Variants in PRLR observed in about 807,000 individuals in gnomAD.
PRLR encodes prolactin receptor, also known as hPRL receptor.
Under a neutral mutation model 40.2 loss-of-function variants are expected in PRLR, and 13 were observed. The observed-to-expected ratio is 0.32, with a 90% CI of 0.21 to 0.51. The LOEUF is 0.51. Among genes scored for constraint, PRLR ranks in the 20% least tolerant of loss-of-function variants. The pLI, the probability that PRLR is intolerant of heterozygous loss-of-function variation, is 0.97. For synonymous variants in PRLR, 269 were observed against 278.7 expected (o/e 0.97, Z 0.35); for missense variants, 656 against 747.3 (o/e 0.88, Z 1.42).
intron 1 of PRLR, among the ~76,000 whole-genome samples, chr5:35,120,522 G>A (rs1434195077): frequency 6.6e-6 from 1 of 152,118 alleles, no homozygotes; most frequent in East Asian, 1.9e-4. Context: ...ACCATTATGG[G>A]GTGGGGTCCC....
chr5:35,115,526 A>G (rs1772961259), intron 2 of PRLR, among the ~76,000 whole-genome samples: 2 of 152,196 alleles, frequency 1.3e-5, no homozygotes, highest in Admixed American at 6.5e-5. Context: ...CTATGGGTGG[A>G]CACATCCTCC....
Position 35,127,458 on chromosome 5 carries a change from T to C in PRLR, c.-105-9336A>G, listed in dbSNP as rs142669173. 5.4e-4 allele frequency among the ~76,000 whole-genome samples: 82 copies of C among 152,274 alleles called. 1 individual carries two copies. The East Asian group carries it at 0.013, about 25-fold the overall frequency. On this transcript the variant is annotated intron_variant, in intron 1 of 9. Transcript: ENST00000618457. ...AACTCTCCACAAACTTAAACAGAAG[T>C]CATTTTTATTATCAATACTAAATAC...
At chr5:35,226,127 G>C (rs951454893) in intron 1 of PRLR, among the ~76,000 whole-genome samples, 1 of 152,230 alleles carries the variant, frequency 6.6e-6, no homozygotes. Context: ...GGACAGTTCA[G>C]TTGTAGGTGC....
chr5:35,072,824 C>CT, intron 5 of PRLR, 80 bp from the exon 6 acceptor site: 1 of 1,513,594 alleles, frequency 6.6e-7, no homozygotes, highest in African/African-American at 1.4e-5. Flanking sequence ...TTAGGAATTC[C>CT]TTTTTCTGTT....
At chr5:35,119,575 A>G (rs2111722280) in intron 1 of PRLR, among the ~76,000 whole-genome samples, 1 of 152,280 alleles carries the variant, frequency 6.6e-6, no homozygotes, top group African/African-American at 2.4e-5. Context: ...TCTGACACAG[A>G]TGTCTGGGGC....
chr5:35,171,432 T>G (rs1047043173), intron 1 of PRLR, among the ~76,000 whole-genome samples: 1 of 152,190 alleles, frequency 6.6e-6, no homozygotes, highest in African/African-American at 2.4e-5. Flanking sequence ...GTTTTTTTAT[T>G]TGCAGTTGAG....
At chr5:35,054,172 G>T (rs1219664864), downstream of PRLR, among the ~76,000 whole-genome samples, 1 of 152,192 alleles carries the variant, frequency 6.6e-6, no homozygotes, top group Admixed American at 6.5e-5. Flanking sequence ...TAGTGATAAA[G>T]ATGACGAGAA....
At chr5:35,076,414 C>A (rs1240654261) in intron 5 of PRLR, among the ~76,000 whole-genome samples, 1 of 151,942 alleles carries the variant, frequency 6.6e-6, no homozygotes, top group Non-Finnish European at 1.5e-5. Context: ...GCATCAGTAG[C>A]CGATTTGTTC....
chr5:35,073,490 A>G (rs1224019961), intron 5 of PRLR, among the ~76,000 whole-genome samples: 1 of 152,226 alleles, frequency 6.6e-6, no homozygotes, highest in Non-Finnish European at 1.5e-5. Context: ...ATCGTTTCTT[A>G]TAATCCTCCA....
intron 5 of PRLR, among the ~76,000 whole-genome samples, chr5:35,083,500 C>T (rs2112452009): frequency 6.7e-6 from 1 of 149,908 alleles, no homozygotes; most frequent in Non-Finnish European, 1.5e-5. Flanking sequence ...TAGTTTTTAA[C>T]ATTTAAATTC....
At chr5:35,150,179 C>T (rs962329784) in intron 1 of PRLR, among the ~76,000 whole-genome samples, 5 of 152,218 alleles carry the variant, frequency 3.3e-5, no homozygotes, top group Admixed American at 2.0e-4. Flanking sequence ...CCACCACGCC[C>T]GGCCACTACC....
chr5:35,228,961 G>A (rs1003642923), intron 1 of PRLR, among the ~76,000 whole-genome samples: 7 of 152,092 alleles, frequency 4.6e-5, no homozygotes, highest in African/African-American at 1.7e-4. Flanking sequence ...TTATGTACAT[G>A]CCATATGCAT....
chr5:35,218,409 A>C (rs1280660485), intron 1 of PRLR, among the ~76,000 whole-genome samples: 2 of 151,818 alleles, frequency 1.3e-5, no homozygotes, highest in African/African-American at 4.9e-5. Context: ...AAAATATATA[A>C]CTAGTTTAAA....
At chr5:35,229,448 G>C (rs1776638882) in intron 1 of PRLR, among the ~76,000 whole-genome samples, 1 of 152,158 alleles carries the variant, frequency 6.6e-6, no homozygotes, top group Non-Finnish European at 1.5e-5. Context: ...GTCACTAAAA[G>C]GATAGTTTTC....
intron 2 of PRLR, among the ~76,000 whole-genome samples, chr5:35,098,874 A>C: frequency 6.6e-6 from 1 of 152,218 alleles, no homozygotes; most frequent in East Asian, 1.9e-4. Flanking sequence ...TCAACCCCTC[A>C]CTTTAACACA....
intron 1 of PRLR, among the ~76,000 whole-genome samples, chr5:35,136,793 G>C (rs777876579): frequency 2.0e-5 from 3 of 152,044 alleles, no homozygotes; most frequent in Admixed American, 6.6e-5. Flanking sequence ...CACCTAGAAG[G>C]CTTGAAACAT....
chr5:35,099,383 C>T (rs185010834), intron 2 of PRLR, among the ~76,000 whole-genome samples: 91 of 152,310 alleles, frequency 6.0e-4, no homozygotes, highest in African/African-American at 2.1e-3. Context: ...TTTGTGGTGA[C>T]ACTGGTGTAA....
intron 2 of PRLR, 111 bp from the exon 3 acceptor site, chr5:35,089,774 T>C: frequency 1.5e-6 from 1 of 654,978 alleles, no homozygotes; most frequent in African/African-American, 1.8e-5. Context: ...TTAATGTGAA[T>C]GACAAAATAG....
intron 2 of PRLR, among the ~76,000 whole-genome samples, chr5:35,095,043 G>A (rs946057630): frequency 4.6e-5 from 7 of 151,972 alleles, no homozygotes; most frequent in Admixed American, 1.3e-4. Flanking sequence ...TGCCCAGGCT[G>A]GTCTCAAACT....
Sources: allele counts gnomAD v4.1 joint callset (sites outside exome capture counted in the v4.1 genomes callset), GRCh38; gene constraint gnomAD v4.1.1; transcripts MANE v1.5; gene names NCBI Gene and HGNC (gene_info 2026-07-23, HGNC 2026-07-21).